GYG2: variants seen among roughly 807,000 people sequenced by gnomAD.
GYG2 encodes glycogenin 2, also known as glycogenin-2.
GYG2 carries 29 observed loss-of-function variants against 29.4 expected under a neutral mutation model. That is an observed-to-expected ratio of 0.99 (90% CI 0.74 to 1.35). The LOEUF is 1.35. GYG2 is among the 40% of genes most tolerant of loss of function. GYG2 has a pLI of 0.00. For missense variants in GYG2, 370 were observed against 385.7 expected, an observed-to-expected ratio of 0.96 and a Z score of 0.34; for synonymous variants, 167 against 172.3, an observed-to-expected ratio of 0.97 and a Z score of 0.24.
chrX:2,841,775 G>A (rs917375853), intron 2 of GYG2, among the ~76,000 whole-genome samples: 18 of 111,760 alleles, frequency 1.6e-4, no homozygotes, highest in East Asian at 5.6e-4. Context: ...TCGCCTACAT[G>A]CTGAGCATTT....
Position 2,855,020 on chromosome X carries a change from G to A in GYG2, c.352G>A (p.Asp118Asn). Residue 118 changes from aspartate (D) to asparagine (N), a missense_variant, in exon 5 of 11, where the codon GAC becomes AAC. By Grantham distance (23) the Asp-to-Asn change is conservative. Transcript: ENST00000398806. ...GCTGTCCAATGTCGATGAGCTGTTT[G>A]ACAGGGGAGAGTTTTCTGCGGCCCC... ...LVLSNVDELFDRGEFSAAPDP... is the reference protein window; with the variant it reads ...LVLSNVDELFNRGEFSAAPDP... 8.3e-7 allele frequency: 1 copy of A among 1,211,757 alleles called. No individual in the cohort carries two copies. Among genetic ancestry groups the A allele is most frequent in the Non-Finnish European group, 1.1e-6 (1 of 895,309 alleles).
intron 9 of GYG2, among the ~76,000 whole-genome samples, chrX:2,876,911 T>G (rs1265357338): frequency 2.7e-5 from 3 of 110,558 alleles, no homozygotes; most frequent in African/African-American, 9.9e-5. Context: ...ATCACGTCAC[T>G]GCACTCCAGC....
intron 8 of GYG2, among the ~76,000 whole-genome samples, chrX:2,873,876 G>C (rs1397617096): frequency 1.8e-5 from 2 of 110,614 alleles, no homozygotes; most frequent in African/African-American, 3.3e-5. Flanking sequence ...GATCACTTGA[G>C]GTCAGGAGTT....
At chrX:2,864,560 C>A (rs180840387) in intron 8 of GYG2, among the ~76,000 whole-genome samples, 75 of 110,445 alleles carry the variant, frequency 6.8e-4, no homozygotes, top group Non-Finnish European at 1.1e-3. Context: ...GATTTACTTT[C>A]TTCACAAGAC....
intron 6 of GYG2, among the ~76,000 whole-genome samples, chrX:2,857,092 G>C (rs2088027544): frequency 9.9e-6 from 1 of 100,951 alleles, no homozygotes; most frequent in Non-Finnish European, 2.0e-5. Flanking sequence ...TCTATATCTA[G>C]ATCTAGATAT....
chrX:2,880,553 C>T (rs1174423868), intron 10 of GYG2, among the ~76,000 whole-genome samples: 4 of 109,054 alleles, frequency 3.7e-5, no homozygotes, highest in Non-Finnish European at 7.5e-5. Context: ...TTTCAAAACA[C>T]TTAAGCAAAA....
chrX:2,869,709 A>C (rs968906393), intron 8 of GYG2, among the ~76,000 whole-genome samples: 1 of 111,671 alleles, frequency 9.0e-6, no homozygotes, highest in Non-Finnish European at 1.9e-5. Flanking sequence ...GCAGTGGCAC[A>C]ATCTCGGCTC....
chrX:2,850,527 G>A (rs2087844705), intron 3 of GYG2, among the ~76,000 whole-genome samples: 2 of 111,485 alleles, frequency 1.8e-5, no homozygotes, highest in Non-Finnish European at 3.8e-5. Context: ...TTACACTGAT[G>A]TCAGGCCTCT....
intron 3 of GYG2, among the ~76,000 whole-genome samples, chrX:2,851,891 C>T (rs2087880539): frequency 8.9e-6 from 1 of 112,175 alleles, no homozygotes; most frequent in Admixed American, 9.6e-5. Flanking sequence ...CTCATTCCTT[C>T]TATTTCAATT....
chrX:2,856,744 CTATCTATG>C lies in GYG2; in HGVS notation c.614+128_614+135del, dbSNP rs199937050. 103,769 of 412,072 alleles carry C rather than the reference CTATCTATG, an allele frequency of 0.25. 10,063 individuals carry two copies. The highest frequency in any genetic ancestry group is 0.29 in the Middle Eastern group (386 of 1,349). The allele number at this position is 412,072 out of a possible 1,213,427, so 34.0% of individuals were successfully genotyped here. A position where few individuals can be genotyped will look rare whatever the true frequency, so the allele number is the denominator to read the frequency against. On this transcript the variant is annotated intron_variant, in intron 6 of 10. Transcript: ENST00000398806. ...CTCTATCTATCTATCTATCATCTATCTATCTATGTATCTATCTATCTATCTATCTATCT... is the reference window on the plus strand; with the variant it reads ...CTCTATCTATCTATCTATCATCTATCTATCTATCTATCTATCTATCTATCT...
chrX:2,836,533 G>A (rs10482433), intron 2 of GYG2, among the ~76,000 whole-genome samples: 2,936 of 109,374 alleles, frequency 0.027, 105 homozygotes, highest in African/African-American at 0.094. Context: ...AAATTAGCCA[G>A]GTGTGGTGAG....
chrX:2,877,064 T>C (rs993044749), intron 9 of GYG2, 136 bp from the exon 10 acceptor site: 22 of 854,115 alleles, frequency 2.6e-5, no homozygotes, highest in Non-Finnish European at 3.5e-5. Flanking sequence ...ATTACAGGCA[T>C]GAGCCACCGC....
intron 3 of GYG2, among the ~76,000 whole-genome samples, chrX:2,843,876 A>G (rs5982885): frequency 0.33 from 36,810 of 110,770 alleles, 4,444 homozygotes; most frequent in South Asian, 0.43. Context: ...TCCTGGACTC[A>G]CTCAGTCCAC....
At chrX:2,837,567 G>A (rs778327683) in intron 2 of GYG2, among the ~76,000 whole-genome samples, 126 of 110,473 alleles carry the variant, frequency 1.1e-3, no homozygotes, top group Middle Eastern at 4.6e-3. Context: ...CTCCTCGGGA[G>A]TTCTCTTACC....
In GYG2 at chrX:2,856,621, A is replaced by G; in HGVS notation, c.611A>G (p.Lys204Arg). The change falls in exon 6 of 11, where the codon AAG becomes AGG. Residue 204 changes from lysine to arginine, a missense_variant. Transcript: ENST00000398806. ...ATGTACACTTACAGCCCTGCCTTCA[A>G]GCAGTAAGTTCTCCACCCTGGCGAA... Reference protein sequence around the residue: ...NTMYTYSPAFKQFGSSAKVVH... With the variant: ...NTMYTYSPAFRQFGSSAKVVH... The G allele has an allele frequency of 8.3e-7, 1 of 1,204,580 alleles. No individual in the cohort carries two copies. Among genetic ancestry groups the G allele is most frequent in the Non-Finnish European group, 1.1e-6 (1 of 891,039 alleles).
At chrX:2,850,447 A>G (rs1321212708) in intron 3 of GYG2, among the ~76,000 whole-genome samples, 1 of 111,923 alleles carries the variant, frequency 8.9e-6, no homozygotes, top group African/African-American at 3.2e-5. Flanking sequence ...TACAAGTTTC[A>G]GAGCCTTAAT....
At chrX:2,841,922 C>G (rs1443716408) in intron 2 of GYG2, among the ~76,000 whole-genome samples, 3 of 111,955 alleles carry the variant, frequency 2.7e-5, no homozygotes, top group Non-Finnish European at 5.6e-5. Flanking sequence ...AAAGTCATTA[C>G]CAAAGTTCAC....
chrX:2,846,036 C>CACACACATATATATACACATAT (rs1199380183), intron 3 of GYG2, among the ~76,000 whole-genome samples: 3 of 33,055 alleles, frequency 9.1e-5, no homozygotes, highest in African/African-American at 3.3e-4. Flanking sequence ...TATATATACA[C>CACACACATATATATACACATAT]ATATATATAT....
At chrX:2,850,748 C>A (rs1487121896) in intron 3 of GYG2, among the ~76,000 whole-genome samples, 2 of 110,939 alleles carry the variant, frequency 1.8e-5, no homozygotes, top group Admixed American at 9.7e-5. Context: ...CCCACTCCTG[C>A]CCACCAGAGA....
Sources: gnomAD v4.1 joint callset for allele counts (sites outside exome capture counted in the v4.1 genomes callset) on GRCh38, gnomAD v4.1.1 for gene constraint, MANE v1.5 for transcripts, NCBI Gene and HGNC (gene_info 2026-07-23, HGNC 2026-07-21) for gene names.